Variants in GPATCH2 observed in about 807,000 individuals in gnomAD.
GPATCH2 encodes G patch domain-containing protein 2.
A neutral mutation model predicts 58.0 loss-of-function variants in GPATCH2; 51 were observed. The ratio of observed to expected loss-of-function variants is 0.88; its 90% CI spans 0.70 to 1.11. The LOEUF is 1.11. Among genes scored for constraint, GPATCH2 ranks in the 50% most tolerant of loss-of-function variants. The pLI is 0.00. For missense variants in GPATCH2, 625 were observed against 652.2 expected (o/e 0.96, Z 0.45); for synonymous variants, 222 against 218.5 (o/e 1.02, Z -0.14).
At chr1:217,542,272 G>A (rs954058110) in intron 5 of GPATCH2, among the ~76,000 whole-genome samples, 28 of 152,106 alleles carry the variant, frequency 1.8e-4, no homozygotes, top group African/African-American at 6.8e-4. Context: ...TTTTTCCACA[G>A]GAAAATATCC....
intron 5 of GPATCH2, among the ~76,000 whole-genome samples, chr1:217,557,543 T>C (rs535811423): frequency 8.5e-5 from 13 of 152,232 alleles, no homozygotes; most frequent in Non-Finnish European, 1.6e-4. Context: ...CCGATATTTG[T>C]TCAAAAATGT....
intron 5 of GPATCH2, among the ~76,000 whole-genome samples, chr1:217,543,237 G>A (rs1664842421): frequency 1.3e-5 from 2 of 151,040 alleles, no homozygotes; most frequent in Non-Finnish European, 2.9e-5. Flanking sequence ...TGTCTCAGAG[G>A]CTACATCATT....
At chr1:217,436,810 A>C (rs1387751942) in intron 9 of GPATCH2, among the ~76,000 whole-genome samples, 1 of 152,210 alleles carries the variant, frequency 6.6e-6, no homozygotes, top group African/African-American at 2.4e-5. Flanking sequence ...GAAGTCAATT[A>C]GCTAAAGAGT....
intron 5 of GPATCH2, chr1:217,608,599 A>G (rs1186974742): frequency 5.1e-6 from 5 of 985,340 alleles, no homozygotes; most frequent in Non-Finnish European, 6.0e-6. Flanking sequence ...ACCAAAAATA[A>G]AAATAGGTAA....
intron 5 of GPATCH2, among the ~76,000 whole-genome samples, chr1:217,585,665 T>C (rs1667304266): frequency 6.6e-6 from 1 of 152,118 alleles, no homozygotes; most frequent in Admixed American, 6.5e-5. Flanking sequence ...ATGTTTGTAA[T>C]AGCCAGAAAC....
intron 6 of GPATCH2, among the ~76,000 whole-genome samples, chr1:217,507,926 A>T (rs1662641145): frequency 1.3e-5 from 2 of 152,154 alleles, no homozygotes; most frequent in Admixed American, 6.5e-5. Context: ...GGTAGTAAAA[A>T]TACTAAAAAC....
intron 5 of GPATCH2, among the ~76,000 whole-genome samples, chr1:217,587,174 C>T (rs981286531): frequency 6.6e-6 from 1 of 152,064 alleles, no homozygotes; most frequent in South Asian, 2.1e-4. Flanking sequence ...AAACAGGTTC[C>T]CAACAGCATT....
At chr1:217,620,667 T>A (rs1312231308) in intron 1 of GPATCH2, among the ~76,000 whole-genome samples, 168 bp from the exon 2 acceptor site, 2 of 152,256 alleles carry the variant, frequency 1.3e-5, no homozygotes, top group Non-Finnish European at 2.9e-5. Flanking sequence ...TTGATTCATT[T>A]TAGGCCTCTT....
chr1:217,433,416 T>G (rs1253486494), intron 9 of GPATCH2, among the ~76,000 whole-genome samples: 1 of 145,616 alleles, frequency 6.9e-6, no homozygotes, highest in East Asian at 2.0e-4. Flanking sequence ...TTATTTATTT[T>G]GGCAGAGTCT....
chr1:217,538,570 A>C (rs1019214633), intron 5 of GPATCH2, among the ~76,000 whole-genome samples: 1 of 152,188 alleles, frequency 6.6e-6, no homozygotes, highest in Non-Finnish European at 1.5e-5. Context: ...TCTCTTGCAA[A>C]TATCAAGGGT....
chr1:217,503,015 A>C (rs1177584019), intron 6 of GPATCH2, among the ~76,000 whole-genome samples: 1 of 152,120 alleles, frequency 6.6e-6, no homozygotes, highest in African/African-American at 2.4e-5. Flanking sequence ...AAATTGGCTG[A>C]AATCTCTAAT....
chr1:217,604,016 G>A lies in GPATCH2; in HGVS notation c.1098+6305C>T, dbSNP rs144392828. On this transcript the variant is annotated intron_variant, in intron 5 of 9. Coordinates refer to ENST00000366935, the MANE Select transcript of GPATCH2 (RefSeq NM_018040.5). ...ATTCTATTAAGTTGTACCTTTCTAA[G>A]ATACAGAATCAAGTTATCTCAAAAT... 1.0e-3 allele frequency among the ~76,000 whole-genome samples: 158 copies of A among 151,942 alleles called. 1 individual carries two copies. The highest frequency in any genetic ancestry group is 3.4e-3 in the Middle Eastern group (1 of 294).
chr1:217,507,398 T>C (rs1385152496), intron 6 of GPATCH2, among the ~76,000 whole-genome samples: 1 of 152,220 alleles, frequency 6.6e-6, no homozygotes, highest in Non-Finnish European at 1.5e-5. Context: ...TGTATTAAAC[T>C]GCTAATGTAA....
intron 8 of GPATCH2, among the ~76,000 whole-genome samples, chr1:217,477,875 T>A (rs1661035442): frequency 6.6e-6 from 1 of 152,164 alleles, no homozygotes; most frequent in Non-Finnish European, 1.5e-5. Flanking sequence ...TGGCTTCAAG[T>A]CTGACCCTCA....
chr1:217,504,540 T>C (rs1212830134), intron 6 of GPATCH2, among the ~76,000 whole-genome samples: 2 of 152,318 alleles, frequency 1.3e-5, no homozygotes, highest in Non-Finnish European at 2.9e-5. Context: ...AAAAGCACTA[T>C]CACCACTCTA....
intron 8 of GPATCH2, 96 bp from the exon 9 acceptor site, chr1:217,449,433 C>T (rs1659555751): frequency 2.0e-5 from 15 of 755,908 alleles, no homozygotes; most frequent in Non-Finnish European, 3.5e-5. Flanking sequence ...AAAACGTTCT[C>T]AACAAAGATG....
At chr1:217,473,110 C>T (rs1660806177) in intron 8 of GPATCH2, among the ~76,000 whole-genome samples, 1 of 152,186 alleles carries the variant, frequency 6.6e-6, no homozygotes, top group South Asian at 2.1e-4. Flanking sequence ...TCCCTTACTA[C>T]CTATCTGTGA....
At chr1:217,521,824 G>C (rs1390377265) in intron 5 of GPATCH2, among the ~76,000 whole-genome samples, 1 of 152,024 alleles carries the variant, frequency 6.6e-6, no homozygotes, top group Non-Finnish European at 1.5e-5. Context: ...ATAAACCATA[G>C]AGAAGTACAA....
intron 5 of GPATCH2, among the ~76,000 whole-genome samples, chr1:217,584,761 A>T (rs547164594): frequency 6.6e-6 from 1 of 152,142 alleles, no homozygotes. Flanking sequence ...AGGAAAAAAA[A>T]CTTTTAAAAT....
Sources: gnomAD v4.1 joint callset for allele counts (sites outside exome capture counted in the v4.1 genomes callset) on GRCh38, gnomAD v4.1.1 for gene constraint, MANE v1.5 for transcripts, NCBI Gene and HGNC (gene_info 2026-07-23, HGNC 2026-07-21) for gene names.